The following LRRTM4 variants were observed in gnomAD, a reference collection of about 807,000 sequenced individuals.
LRRTM4 encodes the protein leucine-rich repeat transmembrane neuronal protein 4.
In LRRTM4, 25 loss-of-function variants were observed where a neutral mutation model predicts 47.6. That is an observed-to-expected ratio of 0.53 (90% confidence interval 0.38 to 0.73). The LOEUF (loss-of-function observed/expected upper bound fraction) is 0.73. Among genes scored for constraint, LRRTM4 ranks in the 30% least tolerant of loss-of-function variants. LRRTM4 has a pLI of 0.00. For missense variants in LRRTM4, 638 were observed against 713.4 expected (o/e 0.89, Z 1.20); for synonymous variants, 311 against 269.5 (o/e 1.15, Z -1.51).
chr2:77,436,623 C>A (rs747850667), intron 3 of LRRTM4, among the ~76,000 whole-genome samples: 1 of 151,660 alleles, frequency 6.6e-6, no homozygotes, highest in East Asian at 1.9e-4. Flanking sequence ...TTCTAGAAAG[C>A]TTTAGATGAT....
chr2:76,889,523 G>C (rs1213559259), intron 3 of LRRTM4, among the ~76,000 whole-genome samples: 1 of 151,794 alleles, frequency 6.6e-6, no homozygotes, highest in Admixed American at 6.6e-5. Context: ...ATTTATATGA[G>C]TTTGAAAAAT....
chr2:77,130,996 G>A (rs957844406), intron 3 of LRRTM4, among the ~76,000 whole-genome samples: 12 of 137,054 alleles, frequency 8.8e-5, no homozygotes, highest in Admixed American at 5.2e-4. Flanking sequence ...CACTACGCCC[G>A]GCTAATTTTT....
intron 3 of LRRTM4, among the ~76,000 whole-genome samples, chr2:77,085,525 A>G (rs1039286445): frequency 6.6e-6 from 1 of 152,086 alleles, no homozygotes; most frequent in African/African-American, 2.4e-5. Context: ...TCTTTAAAAC[A>G]TGGAATCACG....
At chr2:77,121,889 T>C (rs17013729) in intron 3 of LRRTM4, among the ~76,000 whole-genome samples, 4,725 of 151,966 alleles carry the variant, frequency 0.031, 247 homozygotes, top group African/African-American at 0.11. Flanking sequence ...TAATAACTTA[T>C]CATAAATCTG....
At chr2:77,252,413 T>C (rs552956286) in intron 3 of LRRTM4, among the ~76,000 whole-genome samples, 1 of 152,260 alleles carries the variant, frequency 6.6e-6, no homozygotes, top group Non-Finnish European at 1.5e-5. Flanking sequence ...ACAGGAGCCA[T>C]GCCCTAACCA....
intron 3 of LRRTM4, among the ~76,000 whole-genome samples, chr2:76,761,243 C>T (rs920975475): frequency 6.6e-6 from 1 of 152,192 alleles, no homozygotes; most frequent in Non-Finnish European, 1.5e-5. Flanking sequence ...CCACCAAATG[C>T]GGTGCACACC....
chr2:76,812,956 TA>T (rs113504607), intron 3 of LRRTM4, among the ~76,000 whole-genome samples: 4 of 151,240 alleles, frequency 2.6e-5, no homozygotes, highest in African/African-American at 7.3e-5. Context: ...CCATTTTCTC[TA>T]AAAAAAAGAC....
intron 3 of LRRTM4, among the ~76,000 whole-genome samples, chr2:77,094,905 A>T (rs1190476673): frequency 6.6e-6 from 1 of 152,184 alleles, no homozygotes; most frequent in Non-Finnish European, 1.5e-5. Flanking sequence ...CAAAAGCACA[A>T]GCAACAAAAG....
rs529530435 is a variant in LRRTM4, at chr2:76,818,180, T to C, written c.1552-69264A>G. ...TGTTTTCCCCTAAAGATAAGTATTA[T>C]CTCAAAAATAATAAGACAGAGTAAA... is the stretch of plus-strand genomic sequence containing the variant. On this transcript the variant is annotated intron_variant, in intron 3 of 3. Coordinates refer to ENST00000409884, the MANE Select transcript of LRRTM4 (RefSeq NM_001134745.3). Among the ~76,000 whole-genome samples the C allele has an allele frequency of 2.6e-5, 4 of 152,000 alleles. No homozygotes were observed. In the East Asian group the frequency reaches 7.8e-4, roughly 29 times the overall value.
chr2:77,197,046 T>C (rs1306333470), intron 3 of LRRTM4, among the ~76,000 whole-genome samples: 1 of 152,142 alleles, frequency 6.6e-6, no homozygotes, highest in South Asian at 2.1e-4. Flanking sequence ...GGTGTTTTTT[T>C]CTCCATTGAT....
At chr2:76,953,215 G>T (rs943844063) in intron 3 of LRRTM4, among the ~76,000 whole-genome samples, 2 of 150,104 alleles carry the variant, frequency 1.3e-5, no homozygotes, top group Non-Finnish European at 3.0e-5. Context: ...CTTCAAACAA[G>T]AAGAGTTTAT....
chr2:76,927,136 T>C (rs1299991064), intron 3 of LRRTM4, among the ~76,000 whole-genome samples: 2 of 151,786 alleles, frequency 1.3e-5, no homozygotes, highest in South Asian at 4.2e-4. Context: ...TGGATCTCTA[T>C]AGAGATCTTC....
chr2:77,114,582 A>C (rs1443064174), intron 3 of LRRTM4, among the ~76,000 whole-genome samples: 2 of 152,166 alleles, frequency 1.3e-5, no homozygotes, highest in Non-Finnish European at 1.5e-5. Context: ...CCATGTTGGC[A>C]TGCCAGATAT....
chr2:76,891,522 G>GA (rs775704569), intron 3 of LRRTM4, among the ~76,000 whole-genome samples: 6 of 151,046 alleles, frequency 4.0e-5, no homozygotes, highest in South Asian at 2.1e-4. Context: ...CATAGAAAAA[G>GA]AAAAAATACT....
chr2:76,992,933 C>G (rs1335639763), intron 3 of LRRTM4, among the ~76,000 whole-genome samples: 1 of 151,086 alleles, frequency 6.6e-6, no homozygotes, highest in Non-Finnish European at 1.5e-5. Flanking sequence ...GACACTTAAA[C>G]CAATGAAGCA....
intron 3 of LRRTM4, among the ~76,000 whole-genome samples, chr2:77,307,660 G>T (rs1462348284): frequency 2.4e-5 from 1 of 41,032 alleles, no homozygotes; most frequent in Non-Finnish European, 3.4e-5. Flanking sequence ...ATATATTATA[G>T]AAATATAAAT....
intron 3 of LRRTM4, among the ~76,000 whole-genome samples, chr2:76,955,968 T>TTA (rs746981388): frequency 0.015 from 2,211 of 151,666 alleles, 24 homozygotes; most frequent in Non-Finnish European, 0.024. Flanking sequence ...ATTATTACTA[T>TTA]CAGTAATTAC....
At chr2:77,480,785 A>AGTGTGTGT (rs150441689) in intron 3 of LRRTM4, among the ~76,000 whole-genome samples, 1 of 102,224 alleles carries the variant, frequency 9.8e-6, no homozygotes, top group African/African-American at 4.3e-5. Context: ...CTGTTTTAGG[A>AGTGTGTGT]GTGTGTGTGT....
At chr2:77,094,820 T>C (rs1486652644) in intron 3 of LRRTM4, among the ~76,000 whole-genome samples, 9 of 152,160 alleles carry the variant, frequency 5.9e-5, no homozygotes, top group Non-Finnish European at 8.8e-5. Context: ...GACCCCAAAT[T>C]GCAAAGCTGC....
Sources: gnomAD v4.1 joint callset for allele counts (sites outside exome capture counted in the v4.1 genomes callset) on GRCh38, gnomAD v4.1.1 for gene constraint, MANE v1.5 for transcripts, NCBI Gene and HGNC (gene_info 2026-07-23, HGNC 2026-07-21) for gene names.